NEBL: variants seen among roughly 807,000 people sequenced by gnomAD.
The protein encoded by NEBL is LIM and SH3 protein 2.
Under a neutral mutation model 140.2 loss-of-function variants are expected in NEBL, and 122 were observed. The ratio of observed to expected loss-of-function variants is 0.87; its 90% CI spans 0.75 to 1.01. The LOEUF (loss-of-function observed/expected upper bound fraction) is 1.01, where lower values mean the gene tolerates loss of function less well. Ranked by LOEUF, NEBL falls within the 50% of genes least tolerant of loss-of-function variation. NEBL has a pLI of 0.00. For missense variants in NEBL, 1,365 were observed against 1,231.3 expected, an observed-to-expected ratio of 1.11 and a Z score of -1.62; for synonymous variants, 436 against 398.9, an observed-to-expected ratio of 1.09 and a Z score of -1.11.
chr10:21,047,530 C>CT (rs1193288278), intron 2 of NEBL, among the ~76,000 whole-genome samples: 6 of 150,538 alleles, frequency 4.0e-5, no homozygotes, highest in South Asian at 2.1e-4. Flanking sequence ...CCAAATGAAG[C>CT]TTTTTTTAAA....
At chr10:21,092,911 T>C (rs1836988941) in intron 2 of NEBL, among the ~76,000 whole-genome samples, 2 of 152,202 alleles carry the variant, frequency 1.3e-5, no homozygotes, top group Admixed American at 1.3e-4. Context: ...TGTGAAATTA[T>C]ATTACTCTAA....
chr10:20,982,232 ATGT>A (rs1051121104), intron 3 of NEBL, among the ~76,000 whole-genome samples: 2 of 152,198 alleles, frequency 1.3e-5, no homozygotes, highest in African/African-American at 4.8e-5. Flanking sequence ...ACATCGTCAA[ATGT>A]TGTTTAAATA....
At chr10:21,150,260 A>G (rs983687797) in intron 2 of NEBL, among the ~76,000 whole-genome samples, 1 of 152,220 alleles carries the variant, frequency 6.6e-6, no homozygotes, top group African/African-American at 2.4e-5. Flanking sequence ...TAAACTAAGG[A>G]TTTATATCGA....
At chr10:20,983,663 G>C (rs1307886930) in intron 3 of NEBL, among the ~76,000 whole-genome samples, 3 of 152,220 alleles carry the variant, frequency 2.0e-5, no homozygotes, top group African/African-American at 7.2e-5. Flanking sequence ...TAATTGGTGT[G>C]TCCAGGGACA....
intron 2 of NEBL, among the ~76,000 whole-genome samples, chr10:21,131,448 C>T (rs1386481057): frequency 2.6e-5 from 4 of 152,126 alleles, no homozygotes; most frequent in African/African-American, 9.7e-5. Flanking sequence ...ATTGTATCCT[C>T]CACAGCTGAG....
intron 3 of NEBL, among the ~76,000 whole-genome samples, chr10:20,968,011 T>C (rs1836403417): frequency 6.6e-6 from 1 of 151,662 alleles, no homozygotes; most frequent in South Asian, 2.1e-4. Flanking sequence ...ATATTTTCAG[T>C]CAGCCAAAGA....
chr10:21,108,836 TG>T (rs1318540216), intron 2 of NEBL, among the ~76,000 whole-genome samples: 13 of 152,166 alleles, frequency 8.5e-5, no homozygotes, highest in Non-Finnish European at 1.5e-5. Flanking sequence ...CGAATCTGGG[TG>T]CTCCTGTATT....
At chr10:20,860,910 A>G (rs2131158802) in intron 7 of NEBL, among the ~76,000 whole-genome samples, 2 of 152,316 alleles carry the variant, frequency 1.3e-5, no homozygotes, top group Admixed American at 1.3e-4. Context: ...CTTGGTGGGA[A>G]TACAGCATTT....
In NEBL at chr10:21,173,417, G is replaced by A. The variant is rs1841171233; in HGVS notation, c.69+348C>T. ...GGGGCGGGGGTATTGTGGAACACGA[G>A]TGGAGGTGGAGGGGGCGCGGCTCGC... On this transcript the variant is annotated intron_variant, in intron 1 of 6. Coordinates refer to the NEBL transcript ENST00000417816. The surrounding 1 kb of genome is among the most constrained non-coding windows in gnomAD (Gnocchi z 5.7). Among the ~76,000 whole-genome samples the A allele has an allele frequency of 6.6e-6, 1 of 152,010 alleles. No homozygotes were observed. The highest frequency in any genetic ancestry group is 6.5e-5 in the Admixed American group (1 of 15,268).
At chr10:21,249,663 T>C (rs1412967445) in intron 2 of NEBL, among the ~76,000 whole-genome samples, 1 of 151,346 alleles carries the variant, frequency 6.6e-6, no homozygotes, top group African/African-American at 2.4e-5. Flanking sequence ...TTATTTAATA[T>C]CATATTTAGA....
At chr10:21,226,662 T>G (rs1842154171) in intron 3 of NEBL, among the ~76,000 whole-genome samples, 1 of 152,142 alleles carries the variant, frequency 6.6e-6, no homozygotes, top group African/African-American at 2.4e-5. Context: ...AGCACTGAGT[T>G]CCAATACCAA....
intron 4 of NEBL, 124 bp from the exon 5 acceptor site, chr10:20,881,028 C>T (rs1408689893): frequency 3.2e-5 from 24 of 744,626 alleles, no homozygotes; most frequent in Non-Finnish European, 5.5e-5. Flanking sequence ...TTGCCTAAAT[C>T]TCTGTAACAA....
rs200216162 is a variant in NEBL, at chr10:20,831,512, A to T, written c.1521T>A (p.Asp507Glu). 3.1e-6 allele frequency: 5 copies of T among 1,612,560 alleles called. No individual in the cohort carries two copies. The highest frequency in any genetic ancestry group is 1.7e-4 in the Middle Eastern group (1 of 6,058). The change falls in exon 15 of 28, where the codon GAT (aspartate) becomes GAA (glutamate). Residue 507 changes from aspartate (D) to glutamate (E), a missense_variant. By Grantham distance (45) the Asp-to-Glu change is conservative. Coordinates refer to ENST00000377122, the MANE Select transcript of NEBL (RefSeq NM_006393.3). ...CGGATGCTTTCTTAGCTCTCTGGAC[A>T]TCAAGAGTGTCTGTGCTCACCTGCA... Reference protein sequence around the residue: ...KGMQVSTDTLDVQRAKKASEM... With the variant: ...KGMQVSTDTLEVQRAKKASEM...
intron 3 of NEBL, among the ~76,000 whole-genome samples, chr10:21,231,455 G>A (rs949182036): frequency 1.3e-5 from 2 of 152,000 alleles, no homozygotes; most frequent in Non-Finnish European, 2.9e-5. Flanking sequence ...CAGGGGAATC[G>A]CTTGAACTCG....
At chr10:20,845,229 A>C in intron 12 of NEBL, 29 bp downstream of exon 12, 1 of 1,350,952 alleles carries the variant, frequency 7.4e-7, no homozygotes, top group South Asian at 1.2e-5. Context: ...TTTCTTCATA[A>C]TATTTAATAA....
At chr10:21,216,750 A>G (rs1308491687) in intron 3 of NEBL, among the ~76,000 whole-genome samples, 2 of 149,748 alleles carry the variant, frequency 1.3e-5, no homozygotes, top group African/African-American at 4.9e-5. Context: ...TAGGCTGGGC[A>G]ACAAAGCAAG....
intron 2 of NEBL, among the ~76,000 whole-genome samples, chr10:21,044,161 C>T (rs951740212): frequency 1.4e-4 from 22 of 152,206 alleles, no homozygotes; most frequent in African/African-American, 5.3e-4. Flanking sequence ...ATTTTGGAGG[C>T]CAAGGCGGGC....
intron 24 of NEBL, among the ~76,000 whole-genome samples, chr10:20,811,357 G>GTAC (rs1838117687): frequency 6.6e-6 from 1 of 152,168 alleles, no homozygotes; most frequent in South Asian, 2.1e-4. Context: ...GAAGTAAGCT[G>GTAC]TACAGACTTT....
Position 20,938,493 on chromosome 10 carries a change from C to T in NEBL, c.357+23179G>A, listed in dbSNP as rs549904302. On this transcript the variant is annotated intron_variant, in intron 4 of 6. Transcript: ENST00000417816. ...ATAAAACCACAAAGATGGGGAGACA[C>T]CAGAGCAGAAAAGCTGAAAATTCTA... is the stretch of plus-strand genomic sequence containing the variant. 4.6e-5 allele frequency among the ~76,000 whole-genome samples: 7 copies of T among 152,248 alleles called. No homozygotes were observed. The South Asian group carries it at 1.0e-3, about 23-fold the overall frequency.
Sources: gnomAD v4.1 joint callset for allele counts (sites outside exome capture counted in the v4.1 genomes callset) on GRCh38, gnomAD v4.1.1 for gene constraint, Gnocchi (gnomAD v3.1) non-coding constraint, MANE v1.5 for transcripts, NCBI Gene and HGNC (gene_info 2026-07-23, HGNC 2026-07-21) for gene names.